RGS9: variants seen among roughly 807,000 people sequenced by gnomAD.
RGS9 encodes regulator of G-protein signalling 9.
In RGS9, 78 loss-of-function variants were observed where a neutral mutation model predicts 102.0. The ratio of observed to expected loss-of-function variants is 0.76; its 90% CI spans 0.64 to 0.92. The LOEUF is 0.92. Among genes scored for constraint, RGS9 ranks in the 40% least tolerant of loss-of-function variants. The pLI is 0.00. For synonymous variants in RGS9, 353 were observed against 318.6 expected (o/e 1.11, Z -1.15); for missense variants, 833 against 866.1 (o/e 0.96, Z 0.48).
At chr17:65,143,809 A>G (rs2143952135) in intron 1 of RGS9, among the ~76,000 whole-genome samples, 1 of 151,902 alleles carries the variant, frequency 6.6e-6, no homozygotes, top group South Asian at 2.1e-4. Flanking sequence ...AAAAAAAAAA[A>G]AAAATTAGCT....
intron 16 of RGS9, among the ~76,000 whole-genome samples, chr17:65,208,622 A>G (rs900527805): frequency 1.3e-5 from 2 of 152,192 alleles, no homozygotes; most frequent in Non-Finnish European, 2.9e-5. Flanking sequence ...GGGGAATTCA[A>G]TCTACAAGGA....
intron 9 of RGS9, among the ~76,000 whole-genome samples, chr17:65,178,096 C>A (rs9897592): frequency 6.6e-6 from 1 of 151,896 alleles, no homozygotes; most frequent in African/African-American, 2.4e-5. Flanking sequence ...CTTCCCCCTT[C>A]GAAAATCTGA....
At chr17:65,147,587 CTTTTTTTT>C (rs36062784) in intron 1 of RGS9, among the ~76,000 whole-genome samples, 2 of 103,704 alleles carry the variant, frequency 1.9e-5, no homozygotes, top group Admixed American at 1.1e-4. Context: ...CTTTTAAAAA[CTTTTTTTT>C]TTTTTTTTTT....
chr17:65,183,787 C>T (rs558064623), intron 9 of RGS9, among the ~76,000 whole-genome samples: 1 of 152,326 alleles, frequency 6.6e-6, no homozygotes, highest in East Asian at 1.9e-4. Context: ...GCTACCCCAT[C>T]CCAAGGTCCT....
intron 1 of RGS9, among the ~76,000 whole-genome samples, chr17:65,139,822 C>T (rs1910087802): frequency 6.6e-6 from 1 of 152,228 alleles, no homozygotes; most frequent in Admixed American, 6.5e-5. Flanking sequence ...TTGGTCATGT[C>T]ACAGAGCTCC....
At chr17:65,141,775 A>G (rs945095978) in intron 1 of RGS9, among the ~76,000 whole-genome samples, 2 of 152,158 alleles carry the variant, frequency 1.3e-5, no homozygotes, top group African/African-American at 4.8e-5. Flanking sequence ...CTTGCAATGG[A>G]GTCGAATTAT....
intron 8 of RGS9, among the ~76,000 whole-genome samples, chr17:65,170,252 A>C (rs1598581924): frequency 6.6e-6 from 1 of 151,780 alleles, no homozygotes. Flanking sequence ...ATGGGGTTTC[A>C]CCATGTTGGT....
intron 1 of RGS9, among the ~76,000 whole-genome samples, chr17:65,138,214 C>A (rs1909986852): frequency 1.3e-5 from 2 of 152,208 alleles, no homozygotes; most frequent in African/African-American, 4.8e-5. Context: ...AGGTGGAATG[C>A]ACCTGTGGGG....
Position 65,140,748 on chromosome 17 carries a change from A to C in RGS9, c.57+3151A>C, listed in dbSNP as rs561454966. ...AAATTAGCAGGGCGTGGTGGTGAGC[A>C]CCTGTAATCCCAGCTACTTGGGAGG... On this transcript the variant is annotated intron_variant, in intron 1 of 18. Transcript: ENST00000262406. 5.3e-5 allele frequency among the ~76,000 whole-genome samples: 8 copies of C among 152,226 alleles called. No individual in the cohort carries two copies. In the South Asian group the frequency reaches 1.7e-3, roughly 32 times the overall value.
chr17:65,195,141 C>T (rs957104395), intron 12 of RGS9, among the ~76,000 whole-genome samples: 11 of 152,200 alleles, frequency 7.2e-5, no homozygotes, highest in South Asian at 2.1e-4. Flanking sequence ...ATGAGAGAGG[C>T]GACCTGTGTC....
At chr17:65,152,091 T>A (rs916167940) in intron 1 of RGS9, among the ~76,000 whole-genome samples, 1 of 151,606 alleles carries the variant, frequency 6.6e-6, no homozygotes, top group Admixed American at 6.6e-5. Flanking sequence ...GCGTCAGGAG[T>A]GCCAAGGGTG....
At chr17:65,183,478 G>A (rs1911979109) in intron 9 of RGS9, among the ~76,000 whole-genome samples, 2 of 152,040 alleles carry the variant, frequency 1.3e-5, no homozygotes, top group African/African-American at 2.4e-5. Context: ...TGTATTTTTA[G>A]TAGAGACGGG....
chr17:65,154,862 C>A (rs1030053544), intron 2 of RGS9, among the ~76,000 whole-genome samples: 6 of 152,186 alleles, frequency 3.9e-5, no homozygotes, highest in African/African-American at 1.4e-4. Context: ...CAATGTGAGG[C>A]CTCCCTCTCT....
At chr17:65,187,735 C>A (rs1334512880) in intron 9 of RGS9, among the ~76,000 whole-genome samples, 2 of 152,292 alleles carry the variant, frequency 1.3e-5, no homozygotes, top group East Asian at 3.9e-4. Context: ...CGGTGGCTCA[C>A]GCCTGTAATC....
chr17:65,185,967 T>A (rs1359243287), intron 9 of RGS9, among the ~76,000 whole-genome samples: 1 of 152,118 alleles, frequency 6.6e-6, no homozygotes, highest in East Asian at 1.9e-4. Context: ...TGTGCCCCCA[T>A]GTTCTGGCCG....
Position 65,166,982 on chromosome 17 carries a change from T to C in RGS9, c.501-1218T>C, listed in dbSNP as rs1013328922. 2.6e-5 allele frequency among the ~76,000 whole-genome samples: 4 copies of C among 152,306 alleles called. No homozygotes were observed. In the East Asian group the frequency reaches 5.8e-4, roughly 22 times the overall value. On this transcript the variant is annotated intron_variant, in intron 7 of 18. Transcript: ENST00000262406. ...CGGGGAGATGAATTCGCCGACTCTG[T>C]CTTGCAGAGGGCGTGTGCGTCATCC...
intron 13 of RGS9, among the ~76,000 whole-genome samples, chr17:65,197,677 T>C (rs1912650282): frequency 6.6e-6 from 1 of 151,952 alleles, no homozygotes; most frequent in African/African-American, 2.4e-5. Context: ...TCTTTCTTTT[T>C]TTTTTTTCTG....
At chr17:65,139,562 C>A (rs1414679094) in intron 1 of RGS9, among the ~76,000 whole-genome samples, 2 of 152,164 alleles carry the variant, frequency 1.3e-5, no homozygotes, top group Admixed American at 6.5e-5. Flanking sequence ...AACCCGGTGC[C>A]CTTTCATGCC....
intron 8 of RGS9, among the ~76,000 whole-genome samples, chr17:65,172,349 G>T (rs536939326): frequency 1.3e-5 from 2 of 151,930 alleles, no homozygotes; most frequent in African/African-American, 4.8e-5. Context: ...AATTACAGGC[G>T]CCTGCCACCA....
Sources: gnomAD v4.1 joint callset for allele counts (sites outside exome capture counted in the v4.1 genomes callset) on GRCh38, gnomAD v4.1.1 for gene constraint, MANE v1.5 for transcripts, NCBI Gene and HGNC (gene_info 2026-07-23, HGNC 2026-07-21) for gene names.